Variants in SLC24A2 observed in about 807,000 individuals in gnomAD.
SLC24A2 encodes solute carrier family 24 member 2, also known as sodium/potassium/calcium exchanger 2.
In SLC24A2, 36 loss-of-function variants were observed where a neutral mutation model predicts 62.0. The ratio of observed to expected loss-of-function variants is 0.58; its 90% confidence interval spans 0.44 to 0.77. The LOEUF is 0.77. SLC24A2 is among the 30% of genes least tolerant of loss of function. SLC24A2 has a pLI of 0.00. For synonymous variants in SLC24A2, 358 were observed against 294.0 expected, an observed-to-expected ratio of 1.22 and a Z score of -2.23; for missense variants, 846 against 817.9, an observed-to-expected ratio of 1.03 and a Z score of -0.42.
the SLC24A2 span, among the ~76,000 whole-genome samples, chr9:20,283,747 A>G: frequency 7.6e-6 from 1 of 130,956 alleles, no homozygotes; most frequent in Non-Finnish European, 1.6e-5. Flanking sequence ...AAAGAGAAAA[A>G]AAAAGGGGGG....
intron 7 of SLC24A2, among the ~76,000 whole-genome samples, chr9:19,571,219 C>G (rs1049825883): frequency 6.6e-6 from 1 of 152,160 alleles, no homozygotes; most frequent in Non-Finnish European, 1.5e-5. Flanking sequence ...CCAGCTCACT[C>G]TTGAGCTAAT....
At chr9:20,048,681 C>G in the SLC24A2 span, among the ~76,000 whole-genome samples, 1 of 151,718 alleles carries the variant, frequency 6.6e-6, no homozygotes, top group African/African-American at 2.4e-5. Context: ...TGGGGAAATA[C>G]CGATTCATTC....
chr9:19,894,391 A>T, the SLC24A2 span, among the ~76,000 whole-genome samples: 1 of 152,198 alleles, frequency 6.6e-6, no homozygotes, highest in African/African-American at 2.4e-5. Flanking sequence ...CATTTTGAAT[A>T]CGTTTATATA....
intron 10 of SLC24A2, among the ~76,000 whole-genome samples, chr9:19,517,567 T>G (rs1832990757): frequency 6.6e-6 from 1 of 152,132 alleles, no homozygotes; most frequent in Non-Finnish European, 1.5e-5. Flanking sequence ...AGCCCCTAAC[T>G]GGGTGCATAT....
chr9:19,528,344 G>C (rs758129545), intron 8 of SLC24A2, among the ~76,000 whole-genome samples: 3 of 152,182 alleles, frequency 2.0e-5, no homozygotes, highest in Non-Finnish European at 4.4e-5. Flanking sequence ...TAGGAACTGA[G>C]TGATCACAGT....
the SLC24A2 span, among the ~76,000 whole-genome samples, chr9:19,951,226 TTGTG>T: frequency 0.018 from 2,600 of 145,930 alleles, 58 homozygotes; most frequent in African/African-American, 0.046. Flanking sequence ...TTTTCTTAAG[TTGTG>T]TGTGTGTGTG....
the SLC24A2 span, among the ~76,000 whole-genome samples, chr9:20,265,676 A>C: frequency 4.6e-5 from 7 of 152,226 alleles, no homozygotes; most frequent in African/African-American, 1.7e-4. Context: ...AAATCTGGGC[A>C]CCTTCAAAAA....
At chr9:19,977,104 T>C in the SLC24A2 span, among the ~76,000 whole-genome samples, 4 of 135,944 alleles carry the variant, frequency 2.9e-5, no homozygotes, top group Admixed American at 1.6e-4. Flanking sequence ...AAACAAAACA[T>C]TTCTATATTT....
the SLC24A2 span, among the ~76,000 whole-genome samples, chr9:20,147,776 G>T: frequency 2.0e-5 from 3 of 152,082 alleles, no homozygotes; most frequent in Non-Finnish European, 4.4e-5. Context: ...ACAAAGGGGT[G>T]CAACTAACCT....
the SLC24A2 span, among the ~76,000 whole-genome samples, chr9:19,851,602 GT>G: frequency 6.6e-6 from 1 of 152,056 alleles, no homozygotes; most frequent in South Asian, 2.1e-4. Context: ...TCCTGCATTA[GT>G]TTGCTGAGGA....
the SLC24A2 span, among the ~76,000 whole-genome samples, chr9:19,947,808 A>AAAAAGAAAGAAAGAAAG: frequency 2.7e-4 from 16 of 59,260 alleles, no homozygotes; most frequent in Middle Eastern, 8.1e-3. Flanking sequence ...AAAAAAAAAA[A>AAAAAGAAAGAAAGAAAG]AAAGAAAGAA....
chr9:20,029,119 C>T, the SLC24A2 span, among the ~76,000 whole-genome samples: 12 of 152,126 alleles, frequency 7.9e-5, no homozygotes, highest in Non-Finnish European at 1.8e-4. Context: ...GCTTGAGGTG[C>T]AACTGTGACC....
At chr9:19,577,043 A>G (rs756066591) in intron 5 of SLC24A2, 21 bp from the exon 6 acceptor site, 21 of 1,594,048 alleles carry the variant, frequency 1.3e-5, no homozygotes, top group Non-Finnish European at 1.5e-5. Flanking sequence ...AGAAAGTGGC[A>G]GGAAGGAGAC....
the SLC24A2 span, among the ~76,000 whole-genome samples, chr9:19,995,901 T>A: frequency 2.6e-5 from 4 of 152,368 alleles, 1 homozygote; most frequent in South Asian, 8.3e-4. Flanking sequence ...TGAACATGCA[T>A]ACACACTGCT....
the SLC24A2 span, among the ~76,000 whole-genome samples, chr9:20,195,973 T>C: frequency 1.3e-5 from 2 of 151,936 alleles, no homozygotes; most frequent in Non-Finnish European, 2.9e-5. Flanking sequence ...AGGCAAATAA[T>C]AAAAGAAGAA....
the SLC24A2 span, among the ~76,000 whole-genome samples, chr9:20,015,947 G>T: frequency 2.6e-5 from 4 of 152,146 alleles, no homozygotes; most frequent in Non-Finnish European, 4.4e-5. Flanking sequence ...ATCACTACTA[G>T]ATTATCCATG....
At chr9:20,082,042 G>T in the SLC24A2 span, among the ~76,000 whole-genome samples, 1 of 152,058 alleles carries the variant, frequency 6.6e-6, no homozygotes, top group Non-Finnish European at 1.5e-5. Flanking sequence ...TTGAAATCCT[G>T]GCTTGATGAG....
the SLC24A2 span, among the ~76,000 whole-genome samples, chr9:19,811,665 C>T: frequency 3.9e-5 from 6 of 152,122 alleles, no homozygotes; most frequent in South Asian, 2.1e-4. Flanking sequence ...TTAATTTCAG[C>T]GTGCATCCTC....
At chr9:20,236,599 C>A in the SLC24A2 span, among the ~76,000 whole-genome samples, 1 of 152,142 alleles carries the variant, frequency 6.6e-6, no homozygotes, top group African/African-American at 2.4e-5. Flanking sequence ...CAGGTTGGAT[C>A]TAAACCAATC....
Sources: gnomAD v4.1 joint callset for allele counts (sites outside exome capture counted in the v4.1 genomes callset) on GRCh38, gnomAD v4.1.1 for gene constraint, MANE v1.5 for transcripts, NCBI Gene and HGNC (gene_info 2026-07-23, HGNC 2026-07-21) for gene names.